The following KCNMA1 variants were observed in gnomAD, a reference collection of about 807,000 sequenced individuals.
KCNMA1 encodes Calcium-activated potassium channel subunit alpha-1.
A neutral mutation model predicts 140.0 loss-of-function variants in KCNMA1; 29 were observed. That is an observed-to-expected ratio of 0.21 (90% CI 0.15 to 0.28). The LOEUF (loss-of-function observed/expected upper bound fraction) is 0.28. KCNMA1 is among the 10% of genes least tolerant of loss of function. The pLI is 1.00. For missense variants in KCNMA1, 880 were observed against 1,602.2 expected (o/e 0.55, Z 7.70); for synonymous variants, 612 against 611.9 (o/e 1.00, Z 0.00).
intron 3 of KCNMA1, among the ~76,000 whole-genome samples, chr10:77,221,626 A>G (rs745550851): frequency 2.1e-4 from 32 of 152,220 alleles, no homozygotes; most frequent in Admixed American, 6.5e-5. Flanking sequence ...AAGTGCCTGT[A>G]TCAAAACAGG....
At chr10:77,275,798 A>C (rs901155404) in intron 2 of KCNMA1, among the ~76,000 whole-genome samples, 1 of 152,236 alleles carries the variant, frequency 6.6e-6, no homozygotes, top group South Asian at 2.1e-4. Context: ...CCTGAGAACC[A>C]GGAGAAAAGG....
chr10:76,955,670 G>A (rs138257267), intron 20 of KCNMA1, among the ~76,000 whole-genome samples: 26 of 152,286 alleles, frequency 1.7e-4, no homozygotes, highest in South Asian at 4.1e-4. Context: ...AGTCAAAGAT[G>A]TTAAGATAAA....
chr10:76,891,590 C>T lies in KCNMA1; in HGVS notation c.3277G>A (p.Ala1093Thr). The stretch of plus-strand genomic sequence containing the variant: ...GCCACGCGGCAGCGGTCCCTATTGG[C>T]CAGTGTCTGCGGGGTGCTGTAGCCA... Reference protein sequence around the residue: ...RGGYSTPQTLANRDRCRVAQL... With the variant: ...RGGYSTPQTLTNRDRCRVAQL... Residue 1093 changes from alanine to threonine, a missense_variant, in exon 26 of 28, where the codon GCC becomes ACC. Coordinates refer to ENST00000286628, the MANE Select transcript of KCNMA1 (RefSeq NM_001161352.2). The T allele has an allele frequency of 6.2e-7, 1 of 1,613,940 alleles. No individual in the cohort carries two copies. The highest frequency in any genetic ancestry group is 8.5e-7 in the Non-Finnish European group (1 of 1,180,000).
intron 23 of KCNMA1, among the ~76,000 whole-genome samples, chr10:76,944,089 A>C (rs543542509): frequency 6.6e-6 from 1 of 152,274 alleles, no homozygotes; most frequent in East Asian, 1.9e-4. Flanking sequence ...CTGATTACAG[A>C]GGTCATTTTT....
At chr10:77,469,958 A>T (rs1567015628) in intron 1 of KCNMA1, among the ~76,000 whole-genome samples, 1 of 149,230 alleles carries the variant, frequency 6.7e-6, no homozygotes, top group Non-Finnish European at 1.5e-5. Flanking sequence ...AGGGATACAG[A>T]TTTTTTTTTT....
At chr10:77,434,089 G>A (rs560866894) in intron 1 of KCNMA1, among the ~76,000 whole-genome samples, 4 of 152,204 alleles carry the variant, frequency 2.6e-5, no homozygotes, top group African/African-American at 7.2e-5. Context: ...TATCTTCAAC[G>A]TCACCACCTA....
intron 23 of KCNMA1, among the ~76,000 whole-genome samples, chr10:76,934,041 C>T (rs956880371): frequency 3.3e-5 from 5 of 152,056 alleles, no homozygotes; most frequent in African/African-American, 9.7e-5. Context: ...GGCGCAATCT[C>T]GGCTCACTGC....
At position 76,892,047 on chromosome 10, in the gene KCNMA1, G is replaced by A. The variant is rs566720306; in HGVS notation, c.3148-328C>T. Among the ~76,000 whole-genome samples, 33 of 152,136 alleles carry A rather than the reference G, an allele frequency of 2.2e-4. No individual in the cohort carries two copies. The South Asian group carries it at 3.5e-3, about 16-fold the overall frequency. ...ATTGCCTCCCCCTCCTAAAGTCTAC[G>A]TGACTACTATGAGATTCTGGACACG... On this transcript the variant is annotated intron_variant, in intron 25 of 27. Transcript: ENST00000286628.
intron 19 of KCNMA1, among the ~76,000 whole-genome samples, chr10:76,992,869 T>C (rs1047610757): frequency 1.3e-5 from 2 of 152,232 alleles, no homozygotes; most frequent in Admixed American, 6.5e-5. Flanking sequence ...ATGTGTTTTG[T>C]ATTTCCACTC....
In KCNMA1 at chr10:76,887,152, T is replaced by TAA. The variant is rs144100057; in HGVS notation, c.*112_*113dup. 12 of 1,584,744 alleles carry TAA rather than the reference T, an allele frequency of 7.6e-6. No individual in the cohort carries two copies. The Admixed American group carries it at 1.7e-4, about 22-fold the overall frequency. On this transcript the variant is annotated 3_prime_UTR_variant, in exon 28 of 28. Transcript: ENST00000286628. ...ACTATCATACATATGCAAATATGTG[T>TAA]AAAAAAAAAGGGGGGGACTACAGGG...
chr10:77,609,995 C>T (rs770449521), intron 1 of KCNMA1, among the ~76,000 whole-genome samples: 9 of 152,188 alleles, frequency 5.9e-5, no homozygotes, highest in Admixed American at 2.6e-4. Context: ...AGAAACAAGG[C>T]GGCCAGTCAC....
chr10:76,937,915 GTGTGTGTGTGTT>G (rs2060982680), intron 23 of KCNMA1, among the ~76,000 whole-genome samples: 1 of 150,260 alleles, frequency 6.7e-6, no homozygotes. Flanking sequence ...GTGTGCGTAT[GTGTGTGTGTGTT>G]TGTGTGTGTG....
chr10:77,285,317 G>A lies in KCNMA1; in HGVS notation c.541-34061C>T, dbSNP rs536838249. 1.4e-4 allele frequency among the ~76,000 whole-genome samples: 21 copies of A among 151,454 alleles called. No individual in the cohort carries two copies. The South Asian group carries it at 3.5e-3, about 26-fold the overall frequency. On this transcript the variant is annotated intron_variant, in intron 2 of 27. Transcript: ENST00000286628. ...CTCTAAAGTTTTTTTTTTAATCTTC[G>A]TATCAATGTATAAATATTGGCATCT...
chr10:77,365,716 G>A (rs771472901), intron 2 of KCNMA1, among the ~76,000 whole-genome samples: 4 of 152,134 alleles, frequency 2.6e-5, no homozygotes, highest in Non-Finnish European at 5.9e-5. Flanking sequence ...GTGTGAACTT[G>A]CCGCTGACTT....
chr10:77,372,016 T>C (rs1032833877), intron 2 of KCNMA1, among the ~76,000 whole-genome samples: 26 of 152,244 alleles, frequency 1.7e-4, no homozygotes, highest in African/African-American at 6.0e-4. Flanking sequence ...CACATCCTGT[T>C]TCCCTAGCTA....
At chr10:77,572,416 T>G (rs1331884790) in intron 1 of KCNMA1, among the ~76,000 whole-genome samples, 1 of 150,806 alleles carries the variant, frequency 6.6e-6, no homozygotes, top group Non-Finnish European at 1.5e-5. Context: ...CTGTACTTTC[T>G]CACATCTGTC....
intron 1 of KCNMA1, among the ~76,000 whole-genome samples, chr10:77,501,278 T>G (rs2043787759): frequency 6.6e-6 from 1 of 152,188 alleles, no homozygotes. Context: ...CTGCACGGTG[T>G]GAGCACTCAT....
chr10:77,460,531 GCACACACACA>G (rs59284219), intron 1 of KCNMA1, among the ~76,000 whole-genome samples: 1 of 147,836 alleles, frequency 6.8e-6, no homozygotes, highest in Non-Finnish European at 1.5e-5. Flanking sequence ...GTACACACGT[GCACACACACA>G]CACACACACA....
At chr10:77,617,761 T>G (rs562959438) in intron 1 of KCNMA1, among the ~76,000 whole-genome samples, 53 of 152,332 alleles carry the variant, frequency 3.5e-4, no homozygotes, top group African/African-American at 1.2e-3. Flanking sequence ...ATTGAGATAA[T>G]GCATATAAAG....
Sources: gnomAD v4.1 joint callset for allele counts (sites outside exome capture counted in the v4.1 genomes callset) on GRCh38, gnomAD v4.1.1 for gene constraint, MANE v1.5 for transcripts, NCBI Gene and HGNC (gene_info 2026-07-23, HGNC 2026-07-21) for gene names.